THSD7B: variants seen among roughly 807,000 people sequenced by gnomAD.
The protein encoded by THSD7B is thrombospondin type-1 domain-containing protein 7B.
Under a neutral mutation model 213.6 loss-of-function variants are expected in THSD7B, and 138 were observed. The ratio of observed to expected loss-of-function variants is 0.65; its 90% CI spans 0.56 to 0.74. THSD7B has a LOEUF of 0.74. Ranked by LOEUF, THSD7B falls within the 30% of genes least tolerant of loss-of-function variation. The pLI is 0.00. For synonymous variants in THSD7B, 742 were observed against 687.0 expected, an observed-to-expected ratio of 1.08 and a Z score of -1.25; for missense variants, 1,931 against 1,991.5, an observed-to-expected ratio of 0.97 and a Z score of 0.58.
intron 12 of THSD7B, among the ~76,000 whole-genome samples, chr2:137,387,962 T>C (rs1685933013): frequency 1.3e-5 from 2 of 152,334 alleles, no homozygotes; most frequent in Non-Finnish European, 2.9e-5. Flanking sequence ...ATTACTGATA[T>C]GTATATGTGT....
chr2:137,114,855 A>G (rs2104938254), intron 4 of THSD7B, among the ~76,000 whole-genome samples: 1 of 152,258 alleles, frequency 6.6e-6, no homozygotes, highest in Non-Finnish European at 1.5e-5. Context: ...TCCAGCTTCA[A>G]GGCTGAGACA....
chr2:136,854,002 A>G (rs1305214419), intron 1 of THSD7B, among the ~76,000 whole-genome samples: 1 of 152,082 alleles, frequency 6.6e-6, no homozygotes, highest in East Asian at 1.9e-4. Context: ...GTGTTTTCTT[A>G]CTTTCTGGCA....
In THSD7B at chr2:137,412,609, AACAAAAAAAAAC is replaced by A. The variant is rs1314744842; in HGVS notation, c.2959+739_2959+750del. On this transcript the variant is annotated intron_variant, in intron 14 of 27. Transcript: ENST00000409968. ...CAAAACTCTGTCTCAAAAAAAAAAA[AACAAAAAAAAAC>A]AAAAAACAGTTTTACTATATAAAGT... Among the ~76,000 whole-genome samples the A allele has an allele frequency of 6.3e-5, 9 of 142,288 alleles. 2 individuals carry two copies. Among genetic ancestry groups the A allele is most frequent in the Non-Finnish European group, 1.4e-4 (9 of 65,968 alleles). 93.3% of individuals were successfully genotyped at this position (142,288 alleles called of 152,430 possible). A position where few individuals can be genotyped will look rare whatever the true frequency, so the allele number is the denominator to read the frequency against.
intron 17 of THSD7B, among the ~76,000 whole-genome samples, chr2:137,582,592 TG>T (rs1681606164): frequency 6.6e-6 from 1 of 151,036 alleles, no homozygotes; most frequent in Admixed American, 6.6e-5. Flanking sequence ...ATGTGGTGTT[TG>T]GTTTTTTGTC....
intron 5 of THSD7B, among the ~76,000 whole-genome samples, chr2:137,146,200 A>G (rs964136395): frequency 7.9e-5 from 12 of 152,286 alleles, no homozygotes; most frequent in African/African-American, 2.9e-4. Context: ...CTTATTGGCT[A>G]AAGTATTATC....
At chr2:137,457,129 T>C (rs1221054425) in intron 15 of THSD7B, among the ~76,000 whole-genome samples, 1 of 152,208 alleles carries the variant, frequency 6.6e-6, no homozygotes, top group East Asian at 1.9e-4. Context: ...ACACACCCTA[T>C]TGTAGATCAT....
chr2:137,196,623 A>G (rs951557924), intron 7 of THSD7B, among the ~76,000 whole-genome samples: 1 of 152,112 alleles, frequency 6.6e-6, no homozygotes, highest in African/African-American at 2.4e-5. Flanking sequence ...CAGATTGTCC[A>G]TGTGGGTGGC....
chr2:137,131,556 A>G (rs1316560926), intron 5 of THSD7B, among the ~76,000 whole-genome samples: 3 of 152,194 alleles, frequency 2.0e-5, no homozygotes, highest in Non-Finnish European at 4.4e-5. Flanking sequence ...TAATTTTTGT[A>G]TAAGGTGTAA....
At chr2:137,082,258 A>G (rs941409736) in intron 3 of THSD7B, among the ~76,000 whole-genome samples, 1 of 152,072 alleles carries the variant, frequency 6.6e-6, no homozygotes, top group African/African-American at 2.4e-5. Context: ...CATACTGGGT[A>G]ATCTGTCAGA....
At chr2:137,525,673 A>G (rs1000849657) in intron 15 of THSD7B, among the ~76,000 whole-genome samples, 6 of 152,196 alleles carry the variant, frequency 3.9e-5, no homozygotes, top group Non-Finnish European at 7.4e-5. Context: ...ACAGTATTTC[A>G]TAATGTACTA....
In THSD7B at chr2:137,375,592, T is replaced by C. The variant is rs78682650; in HGVS notation, c.2501-30021T>C. 7.9e-3 allele frequency among the ~76,000 whole-genome samples: 1,198 copies of C among 152,292 alleles called. 78 individuals carry two copies. In the East Asian group the frequency reaches 0.18, roughly 22 times the overall value. The stretch of plus-strand genomic sequence containing the variant: ...AAGGTGTATGACTAATGAATATATA[T>C]AGTATATAAGGACTACAAAATGATC... On this transcript the variant is annotated intron_variant, in intron 12 of 27. Transcript: ENST00000409968.
intron 10 of THSD7B, among the ~76,000 whole-genome samples, chr2:137,269,750 T>G (rs1266578196): frequency 6.6e-6 from 1 of 152,240 alleles, no homozygotes; most frequent in Admixed American, 6.5e-5. Flanking sequence ...TTTTGTATTA[T>G]TATGATGCAG....
chr2:136,987,325 G>A (rs1323435114), intron 2 of THSD7B, among the ~76,000 whole-genome samples: 1 of 152,172 alleles, frequency 6.6e-6, no homozygotes, highest in Non-Finnish European at 1.5e-5. Flanking sequence ...CAATTCCATG[G>A]TGGAGAACCA....
chr2:137,031,275 G>T (rs1414292708), intron 2 of THSD7B, among the ~76,000 whole-genome samples: 1 of 152,188 alleles, frequency 6.6e-6, no homozygotes, highest in African/African-American at 2.4e-5. Flanking sequence ...AACCTGGGAG[G>T]TGGAGGTTGC....
intron 7 of THSD7B, among the ~76,000 whole-genome samples, chr2:137,215,446 C>T (rs544043362): frequency 3.9e-5 from 6 of 152,114 alleles, no homozygotes; most frequent in African/African-American, 1.4e-4. Context: ...ATCAATTCTC[C>T]CTAGGGGAGG....
At chr2:137,080,354 A>G (rs1034780192) in intron 3 of THSD7B, among the ~76,000 whole-genome samples, 1 of 127,730 alleles carries the variant, frequency 7.8e-6, no homozygotes, top group East Asian at 2.4e-4. Context: ...GGCATGTACC[A>G]CCATGCCCAG....
rs187468778 is a variant in THSD7B, at chr2:137,324,540, C to A, written c.2500+48514C>A. Among the ~76,000 whole-genome samples the A allele has an allele frequency of 3.4e-3, 523 of 152,140 alleles. 3 individuals are homozygous for A. The highest frequency in any genetic ancestry group is 0.012 in the African/African-American group (491 of 41,524). On this transcript the variant is annotated intron_variant, in intron 12 of 27. Coordinates refer to ENST00000409968, the MANE Select transcript of THSD7B (RefSeq NM_001316349.2). Reference sequence around the variant, plus strand: ...ATAACAAAAAAAAACCTCTGTAGTTCCTAACCTCAAAATGCTTATAGTTAA... The same window carrying A: ...ATAACAAAAAAAAACCTCTGTAGTTACTAACCTCAAAATGCTTATAGTTAA...
At chr2:137,194,212 C>T (rs1680714862) in intron 7 of THSD7B, among the ~76,000 whole-genome samples, 1 of 152,176 alleles carries the variant, frequency 6.6e-6, no homozygotes. Flanking sequence ...TGAGCTGTCT[C>T]CTGTATTCCC....
intron 2 of THSD7B, among the ~76,000 whole-genome samples, chr2:136,984,102 A>C (rs1372276673): frequency 1.3e-5 from 2 of 152,230 alleles, no homozygotes; most frequent in Non-Finnish European, 2.9e-5. Context: ...AAGCACCAAC[A>C]AGGGAAGTCT....
Sources: gnomAD v4.1 joint callset for allele counts (sites outside exome capture counted in the v4.1 genomes callset) on GRCh38, gnomAD v4.1.1 for gene constraint, MANE v1.5 for transcripts, NCBI Gene and HGNC (gene_info 2026-07-23, HGNC 2026-07-21) for gene names.